Variants in CAMTA1 observed in about 807,000 individuals in gnomAD.
CAMTA1 encodes the protein calmodulin binding transcription activator 1, also known as calmodulin-binding transcription activator 1.
A neutral mutation model predicts 170.9 loss-of-function variants in CAMTA1; 27 were observed. That is an observed-to-expected ratio of 0.16 (90% CI 0.12 to 0.22). The LOEUF (loss-of-function observed/expected upper bound fraction) is 0.22. CAMTA1 is among the 10% of genes least tolerant of loss of function. The pLI, the probability that CAMTA1 is intolerant of heterozygous loss-of-function variation, is 1.00. For synonymous variants in CAMTA1, 833 were observed against 891.5 expected (o/e 0.93, Z 1.17); for missense variants, 1,619 against 2,217.2 (o/e 0.73, Z 5.42).
chr1:7,685,883 T>TA lies in CAMTA1; in HGVS notation c.2914+8150_2914+8151insA, dbSNP rs1368062390. On this transcript the variant is annotated intron_variant, in intron 11 of 22. Coordinates refer to ENST00000303635, the MANE Select transcript of CAMTA1 (RefSeq NM_015215.4). This position sits in a 1 kb window ranked among gnomAD's most constrained non-coding sequence, Gnocchi z 5.7. Reference sequence around the variant, plus strand: ...CAACCTACCTCTCTGATAACATTCCTGACCCCTGTGGATAATCCCACCCAA... The same window carrying TA: ...CAACCTACCTCTCTGATAACATTCCTAGACCCCTGTGGATAATCCCACCCAA... 6.6e-6 allele frequency among the ~76,000 whole-genome samples: 1 copy of TA among 152,200 alleles called. No homozygotes were observed. Among genetic ancestry groups the TA allele is most frequent in the African/African-American group, 2.4e-5 (1 of 41,438 alleles).
intron 5 of CAMTA1, among the ~76,000 whole-genome samples, chr1:7,287,754 G>A (rs1318351058): frequency 1.3e-5 from 2 of 152,188 alleles, no homozygotes; most frequent in Non-Finnish European, 2.9e-5. Flanking sequence ...CATCAGAGTG[G>A]TTCCCCTCCA....
chr1:7,453,881 C>T lies in CAMTA1; in HGVS notation c.439-13949C>T, dbSNP rs145888472. On this transcript the variant is annotated intron_variant, in intron 5 of 22. Transcript: ENST00000303635. ...TCACTCATGCTGGGACCCGGCCCCC[C>T]GCAGCAGCCCGGGGACCTGGAGGTG... Among the ~76,000 whole-genome samples the T allele has an allele frequency of 3.9e-3, 598 of 152,354 alleles. 3 individuals carry two copies. The highest frequency in any genetic ancestry group is 9.5e-3 in the Admixed American group (145 of 15,310).
chr1:7,157,174 TCTA>T (rs1447485909), intron 4 of CAMTA1, among the ~76,000 whole-genome samples: 1 of 151,388 alleles, frequency 6.6e-6, no homozygotes, highest in Non-Finnish European at 1.5e-5. Flanking sequence ...AAACCCCATC[TCTA>T]CTAAAAATAC....
rs938265849 is a variant in CAMTA1, at chr1:7,633,134, T to C, written c.511-7266T>C. Among the ~76,000 whole-genome samples the C allele has an allele frequency of 3.9e-5, 6 of 152,234 alleles. No homozygotes were observed. The highest frequency in any genetic ancestry group is 1.4e-4 in the African/African-American group (6 of 41,464). ...GCTTTTGGAGGAAAGGCCCTCAGCT[T>C]GTCCCCCGTCCTCTCTTTGTCCCTG... On this transcript the variant is annotated intron_variant, in intron 6 of 22. Coordinates refer to ENST00000303635, the MANE Select transcript of CAMTA1 (RefSeq NM_015215.4). This position sits in a 1 kb window ranked among gnomAD's most constrained non-coding sequence, Gnocchi z 4.1.
intron 4 of CAMTA1, among the ~76,000 whole-genome samples, chr1:7,210,535 C>T (rs1027232931): frequency 1.3e-5 from 2 of 152,136 alleles, no homozygotes; most frequent in Admixed American, 6.5e-5. Flanking sequence ...TGTTTATTCT[C>T]TTCATAATTA....
At chr1:7,158,474 A>C (rs1647023803) in intron 4 of CAMTA1, among the ~76,000 whole-genome samples, 1 of 152,192 alleles carries the variant, frequency 6.6e-6, no homozygotes, top group Non-Finnish European at 1.5e-5. Flanking sequence ...CCCATGATGC[A>C]TTTGAGATCC....
In CAMTA1 at chr1:6,934,781, G is replaced by C. The variant is rs374866018; in HGVS notation, c.234+109571G>C. ...AGAGGGCGTATGGTTGGAGAGGAAGGCAGGGCTCTGAGGATGCTATGATGT... is the reference window on the plus strand; with the variant it reads ...AGAGGGCGTATGGTTGGAGAGGAAGCCAGGGCTCTGAGGATGCTATGATGT... On this transcript the variant is annotated intron_variant, in intron 3 of 22. Transcript: ENST00000303635. The surrounding 1 kb of genome is among the most constrained non-coding windows in gnomAD (Gnocchi z 4.5). Among the ~76,000 whole-genome samples the C allele has an allele frequency of 2.0e-5, 3 of 152,190 alleles. No homozygotes were observed. The highest frequency in any genetic ancestry group is 7.2e-5 in the African/African-American group (3 of 41,446).
Position 7,157,393 on chromosome 1 carries a change from A to AT in CAMTA1, c.302+66022_302+66023insT, listed in dbSNP as rs750875197. 8.5e-3 allele frequency among the ~76,000 whole-genome samples: 1,287 copies of AT among 151,240 alleles called. 12 individuals are homozygous for AT. Among genetic ancestry groups the AT allele is most frequent in the Non-Finnish European group, 0.014 (925 of 67,804 alleles). ...AACAAAGAAACAAAAAACAAAAAAA[A>AT]ATTTTTTAGCAAGTTAGGGATAGAA... On this transcript the variant is annotated intron_variant, in intron 4 of 22. Transcript: ENST00000303635.
At chr1:7,716,747 G>C (rs2149728630) in intron 11 of CAMTA1, among the ~76,000 whole-genome samples, 1 of 152,236 alleles carries the variant, frequency 6.6e-6, no homozygotes, top group Middle Eastern at 3.4e-3. Flanking sequence ...CAACTAATGA[G>C]GATCCAGCAA....
At chr1:7,324,715 G>A (rs1679021700) in intron 5 of CAMTA1, among the ~76,000 whole-genome samples, 1 of 151,428 alleles carries the variant, frequency 6.6e-6, no homozygotes, top group Admixed American at 6.6e-5. Flanking sequence ...GCTGAGGCAG[G>A]AGAATCACTT....
At position 7,580,724 on chromosome 1, in the gene CAMTA1, G is replaced by C. The variant is rs2095253269; in HGVS notation, c.511-59676G>C. Among the ~76,000 whole-genome samples, 2 of 152,150 alleles carry C rather than the reference G, an allele frequency of 1.3e-5. No homozygotes were observed. The highest frequency in any genetic ancestry group is 1.3e-4 in the Admixed American group (2 of 15,280). ...AATCCCTCCTGTGCTGGTCTTCCTG[G>C]ATGGGCTGCCGGTCGGAGGGAACTT... On this transcript the variant is annotated intron_variant, in intron 6 of 22. Transcript: ENST00000303635. The surrounding 1 kb of genome is among the most constrained non-coding windows in gnomAD (Gnocchi z 4.3).
At chr1:7,606,753 A>T (rs2095489458) in intron 6 of CAMTA1, among the ~76,000 whole-genome samples, 2 of 152,176 alleles carry the variant, frequency 1.3e-5, no homozygotes, top group Non-Finnish European at 2.9e-5. Flanking sequence ...ACCCTAGGAG[A>T]GGCCTGTCCC....
At chr1:7,115,880 G>A (rs948305293) in intron 4 of CAMTA1, among the ~76,000 whole-genome samples, 16 of 152,228 alleles carry the variant, frequency 1.1e-4, no homozygotes, top group African/African-American at 3.9e-4. Flanking sequence ...TTCTATTCAG[G>A]TCTCCAGCTG....
intron 6 of CAMTA1, among the ~76,000 whole-genome samples, chr1:7,626,489 A>G (rs961636986): frequency 3.3e-5 from 5 of 152,208 alleles, no homozygotes; most frequent in Non-Finnish European, 7.3e-5. Context: ...GACCCTACTC[A>G]TAGTCAAGGT....
At chr1:7,381,556 G>T (rs1448571109) in intron 5 of CAMTA1, among the ~76,000 whole-genome samples, 2 of 151,264 alleles carry the variant, frequency 1.3e-5, no homozygotes, top group South Asian at 2.1e-4. Context: ...GTCTATCATT[G>T]TTGGACATTT....
intron 3 of CAMTA1, among the ~76,000 whole-genome samples, chr1:6,881,471 A>G (rs1671561447): frequency 6.6e-6 from 1 of 152,130 alleles, no homozygotes; most frequent in African/African-American, 2.4e-5. Flanking sequence ...ACAGAGATAG[A>G]TTTGGCAATG....
At chr1:7,207,326 G>A (rs1352598391) in intron 4 of CAMTA1, among the ~76,000 whole-genome samples, 4 of 152,196 alleles carry the variant, frequency 2.6e-5, no homozygotes, top group Admixed American at 6.5e-5. Context: ...CCCAGTGAGC[G>A]TGTCAAGGGC....
intron 6 of CAMTA1, among the ~76,000 whole-genome samples, chr1:7,558,110 C>G (rs2094904535): frequency 1.3e-5 from 2 of 152,324 alleles, no homozygotes; most frequent in East Asian, 1.9e-4. Flanking sequence ...CTCCTGTGAC[C>G]CAAATCCCCT....
At chr1:6,787,918 G>C (rs1401282846) in intron 1 of CAMTA1, among the ~76,000 whole-genome samples, 1 of 152,144 alleles carries the variant, frequency 6.6e-6, no homozygotes, top group Non-Finnish European at 1.5e-5. Context: ...ACAGGAGATG[G>C]GTGAGAAGAA....
Sources: gnomAD v4.1 joint callset for allele counts (sites outside exome capture counted in the v4.1 genomes callset) on GRCh38, gnomAD v4.1.1 for gene constraint, Gnocchi (gnomAD v3.1) non-coding constraint, MANE v1.5 for transcripts, NCBI Gene and HGNC (gene_info 2026-07-23, HGNC 2026-07-21) for gene names.